The following HIBCH variants were observed in gnomAD, a reference collection of about 807,000 sequenced individuals.
HIBCH encodes the protein 3-hydroxyisobutyryl-CoA hydrolase, mitochondrial.
A neutral mutation model predicts 58.2 loss-of-function variants in HIBCH; 50 were observed. That is an observed-to-expected ratio of 0.86 (90% confidence interval 0.68 to 1.09). The LOEUF (loss-of-function observed/expected upper bound fraction) is 1.09. Ranked by LOEUF, HIBCH falls within the 50% of genes least tolerant of loss-of-function variation. HIBCH has a pLI of 0.00. For synonymous variants in HIBCH, 151 were observed against 146.9 expected (o/e 1.03, Z -0.20); for missense variants, 450 against 449.7 (o/e 1.00, Z -0.01).
At chr2:190,212,836 A>T (rs1312313441) in intron 12 of HIBCH, 120 bp downstream of exon 12, 1 of 840,208 alleles carries the variant, frequency 1.2e-6, no homozygotes, top group African/African-American at 1.7e-5. Context: ...GTGTTTTTGT[A>T]GAGTAAATTT....
rs373569128 is a variant in HIBCH at position 190,294,652 on chromosome 2, T to C, written c.220-22A>G. ...ACTTCTATTCAAATGTAACAGAAGA[T>C]GGTATAAGCATATTATAAACACAAA... On this transcript the variant is annotated intron_variant, in intron 3 of 13. Transcript: ENST00000359678. 3.3e-5 allele frequency: 50 copies of C among 1,493,378 alleles called. No individual in the cohort carries two copies. In the African/African-American group the frequency reaches 6.5e-4, roughly 19 times the overall value. The allele number at this position is 1,493,378 out of a possible 1,614,324, so 92.5% of individuals were successfully genotyped here. A position where few individuals can be genotyped will look rare whatever the true frequency, so the allele number is the denominator to read the frequency against.
rs1307775052 is a variant in HIBCH, at chr2:190,211,692, G to A, written c.1011+1264C>T. Among the ~76,000 whole-genome samples, 1 of 151,912 alleles carries A rather than the reference G, an allele frequency of 6.6e-6. No individual in the cohort carries two copies. Among genetic ancestry groups the A allele is most frequent in the African/African-American group, 2.4e-5 (1 of 41,342 alleles). Reference sequence around the variant, plus strand: ...CATAATCTCTTCTATCACCAACCCTGTATGTTTTCCTTTAGAGTACTTATC... The same window carrying A: ...CATAATCTCTTCTATCACCAACCCTATATGTTTTCCTTTAGAGTACTTATC... On this transcript the variant is annotated intron_variant, in intron 12 of 13. Coordinates refer to ENST00000359678, the MANE Select transcript of HIBCH (RefSeq NM_014362.4). The surrounding 1 kb of genome is among the most constrained non-coding windows in gnomAD (Gnocchi z 5.0).
intron 6 of HIBCH, among the ~76,000 whole-genome samples, chr2:190,273,202 G>A (rs962367929): frequency 1.4e-4 from 22 of 152,206 alleles, no homozygotes; most frequent in African/African-American, 5.1e-4. Flanking sequence ...AGACCAGCCT[G>A]ACCAACATGG....
intron 8 of HIBCH, chr2:190,250,521 A>G: frequency 3.3e-6 from 1 of 302,480 alleles, no homozygotes; most frequent in Non-Finnish European, 6.8e-6. Context: ...AGCATTGAAC[A>G]CATTGACAAA....
chr2:190,307,207 T>A (rs564028588), intron 2 of HIBCH, among the ~76,000 whole-genome samples: 1 of 152,298 alleles, frequency 6.6e-6, no homozygotes, highest in South Asian at 2.1e-4. Flanking sequence ...AGAACATGTG[T>A]ACTGTCATGA....
chr2:190,201,323 CAG>C (rs1054234959), downstream of HIBCH: 11 of 166,860 alleles, frequency 6.6e-5, no homozygotes, highest in African/African-American at 2.4e-4. Flanking sequence ...TCAGTGGTAA[CAG>C]AAAATTTGGG....
chr2:190,296,923 C>G lies in HIBCH; in HGVS notation c.109G>C (p.Glu37Gln), dbSNP rs1336303435. The G allele has an allele frequency of 3.1e-6, 5 of 1,614,094 alleles. No individual in the cohort carries two copies. In the African/African-American group the frequency reaches 4.0e-5, roughly 13 times the overall value. ...CAACCTTTTTTTTCCAATAGCACCT[C>G]TTCTGCTGCATCTGTGTGCTTGGAC... ...RMSKHTDAAE[E>Q]VLLEKKGCTG... Residue 37 changes from glutamate to glutamine, a missense_variant, in exon 3 of 14, where the codon GAG becomes CAG. Coordinates refer to ENST00000359678, the MANE Select transcript of HIBCH (RefSeq NM_014362.4).
chr2:190,318,483 T>C (rs1158324135), intron 1 of HIBCH, among the ~76,000 whole-genome samples: 3 of 152,112 alleles, frequency 2.0e-5, no homozygotes, highest in Non-Finnish European at 4.4e-5. Flanking sequence ...GACTGGACCA[T>C]CTTGGCCTCT....
At chr2:190,318,935 G>A (rs541054087) in intron 1 of HIBCH, among the ~76,000 whole-genome samples, 1 of 152,264 alleles carries the variant, frequency 6.6e-6, no homozygotes, top group African/African-American at 2.4e-5. Context: ...CTTAAGTCAA[G>A]GAAACACCTC....
intron 1 of HIBCH, among the ~76,000 whole-genome samples, chr2:190,313,934 C>T (rs1260408248): frequency 2.0e-5 from 3 of 152,188 alleles, no homozygotes; most frequent in South Asian, 2.1e-4. Flanking sequence ...TAAAACACCA[C>T]GTCTAAAATG....
downstream of HIBCH, chr2:190,200,296 G>A: frequency 2.9e-6 from 2 of 681,472 alleles, no homozygotes; most frequent in South Asian, 1.9e-5. Context: ...CAACTAGGAT[G>A]AAATGCATTT....
intron 6 of HIBCH, among the ~76,000 whole-genome samples, chr2:190,276,925 G>C (rs914194366): frequency 4.6e-5 from 7 of 152,132 alleles, no homozygotes; most frequent in Non-Finnish European, 8.8e-5. Flanking sequence ...TGGTATCACT[G>C]CTGACAAAAG....
At chr2:190,208,683 TTC>T in intron 13 of HIBCH, 195 bp downstream of exon 13, 2 of 586,566 alleles carry the variant, frequency 3.4e-6, no homozygotes, top group South Asian at 2.0e-5. Context: ...TTTTTTTTTT[TTC>T]AGATTTTGGA....
At chr2:190,319,426 G>T (rs1688789805) in intron 1 of HIBCH, among the ~76,000 whole-genome samples, 1 of 152,336 alleles carries the variant, frequency 6.6e-6, no homozygotes, top group Admixed American at 6.5e-5. Flanking sequence ...CAACTTTTAA[G>T]AAAGGAAAGA....
intron 6 of HIBCH, among the ~76,000 whole-genome samples, chr2:190,263,438 T>C (rs1290487526): frequency 6.6e-6 from 1 of 152,082 alleles, no homozygotes; most frequent in Non-Finnish European, 1.5e-5. Context: ...CTCTTTCATT[T>C]CTCCCTGATA....
At chr2:190,275,165 A>G (rs569129696) in intron 6 of HIBCH, among the ~76,000 whole-genome samples, 2 of 152,280 alleles carry the variant, frequency 1.3e-5, no homozygotes, top group African/African-American at 4.8e-5. Flanking sequence ...CTTCATTTCT[A>G]TTCGAAAATG....
rs35125102 is a variant in HIBCH, at chr2:190,198,631, CAAAAAAAA to C, written c.*17+6461_*17+6468del. On this transcript the variant is annotated intron_variant, in intron 1 of 1. Transcript: ENST00000399855. Reference sequence around the variant, plus strand: ...GAGTTAACAGAGTAAGACCCTGTCTCAAAAAAAAAAAAAAAAAAAAAAAAGGTGTTTTC... The same window carrying C: ...GAGTTAACAGAGTAAGACCCTGTCTCAAAAAAAAAAAAAAAAGGTGTTTTC... Among the ~76,000 whole-genome samples the C allele has an allele frequency of 7.9e-4, 56 of 70,594 alleles. 1 individual carries two copies. The highest frequency in any genetic ancestry group is 5.5e-4 in the Non-Finnish European group (21 of 38,158). The allele number at this position is 70,594 out of a possible 152,430, so 46.3% of individuals were successfully genotyped here. A position where few individuals can be genotyped will look rare whatever the true frequency, so the allele number is the denominator to read the frequency against.
intron 7 of HIBCH, among the ~76,000 whole-genome samples, chr2:190,253,097 G>A (rs1458242611): frequency 1.3e-5 from 2 of 152,120 alleles, no homozygotes; most frequent in African/African-American, 4.8e-5. Flanking sequence ...GCTGAGGCAG[G>A]AGAATCGCTT....
At chr2:190,294,016 TTGTGTGTATATATATATATATATA>T (rs1329738356) in intron 4 of HIBCH, among the ~76,000 whole-genome samples, 4 of 83,006 alleles carry the variant, frequency 4.8e-5, no homozygotes, top group Non-Finnish European at 9.7e-5. Context: ...AATATATATT[TTGTGTGTATATATATATATATATA>T]TATATATATA....
Sources: gnomAD v4.1 joint callset for allele counts (sites outside exome capture counted in the v4.1 genomes callset) on GRCh38, gnomAD v4.1.1 for gene constraint, Gnocchi (gnomAD v3.1) non-coding constraint, MANE v1.5 for transcripts, NCBI Gene and HGNC (gene_info 2026-07-23, HGNC 2026-07-21) for gene names.